RNF150: variants seen among roughly 807,000 people sequenced by gnomAD.
RNF150 encodes the protein ring finger protein 150.
Under a neutral mutation model 39.3 loss-of-function variants are expected in RNF150, and 24 were observed. The ratio of observed to expected loss-of-function variants is 0.61; its 90% CI spans 0.44 to 0.86. The LOEUF (loss-of-function observed/expected upper bound fraction) is 0.86, where lower values mean the gene tolerates loss of function less well. RNF150 is among the 40% of genes least tolerant of loss of function. The probability of loss-of-function intolerance (pLI) is 0.00; values close to 1 mark genes in which losing one functional copy is unlikely to be tolerated. For missense variants in RNF150, 502 were observed against 587.8 expected (o/e 0.85, Z 1.51); for synonymous variants, 255 against 227.3 (o/e 1.12, Z -1.10).
In RNF150 at chr4:140,868,227, G is replaced by T; in HGVS notation, c.*34C>A. 3 of 1,218,920 alleles carry T rather than the reference G, an allele frequency of 2.5e-6. No homozygotes were observed. Among genetic ancestry groups the T allele is most frequent in the Non-Finnish European group, 3.7e-6 (3 of 819,986 alleles). The allele number at this position is 1,218,920 out of a possible 1,614,324, so 75.5% of individuals were successfully genotyped here. A position where few individuals can be genotyped will look rare whatever the true frequency, so the allele number is the denominator to read the frequency against. On this transcript the variant is annotated 3_prime_UTR_variant, in exon 7 of 7. Coordinates refer to ENST00000515673, the MANE Select transcript of RNF150 (RefSeq NM_020724.2). ...GCACTCTTCCCTTCCTTTCCCTTGG[G>T]TCCTACTATCTCTTTGCTTCTGGAT...
At chr4:140,961,627 A>G (rs1045472858) in intron 2 of RNF150, among the ~76,000 whole-genome samples, 6 of 152,258 alleles carry the variant, frequency 3.9e-5, no homozygotes, top group African/African-American at 1.4e-4. Context: ...ATTAAAGCAG[A>G]AATATTTTTC....
At chr4:140,995,876 G>C (rs766332998) in intron 1 of RNF150, among the ~76,000 whole-genome samples, 1 of 152,000 alleles carries the variant, frequency 6.6e-6, no homozygotes, top group Non-Finnish European at 1.5e-5. Flanking sequence ...CCATTTGTTT[G>C]TTGATGAACA....
At chr4:141,104,812 G>T (rs1739142993) in intron 1 of RNF150, among the ~76,000 whole-genome samples, 1 of 152,188 alleles carries the variant, frequency 6.6e-6, no homozygotes, top group Non-Finnish European at 1.5e-5. Flanking sequence ...TGTGAGTTTG[G>T]AAAGGATGTA....
At chr4:141,155,084 G>GTTTTA (rs147232840) in intron 1 of RNF150, among the ~76,000 whole-genome samples, 1 of 151,834 alleles carries the variant, frequency 6.6e-6, no homozygotes, top group Admixed American at 6.6e-5. Context: ...AGAGCTTTAT[G>GTTTTA]TTTTATTTTA....
At chr4:141,089,674 C>G (rs1448745339) in intron 1 of RNF150, among the ~76,000 whole-genome samples, 1 of 152,178 alleles carries the variant, frequency 6.6e-6, no homozygotes, top group Admixed American at 6.5e-5. Flanking sequence ...TGTGAAGGTA[C>G]AGAAGACCAC....
chr4:140,973,728 T>C (rs1473801355), intron 1 of RNF150, among the ~76,000 whole-genome samples: 1 of 151,586 alleles, frequency 6.6e-6, no homozygotes, highest in East Asian at 1.9e-4. Context: ...AATACAAAAA[T>C]TAGACGGGGA....
At chr4:141,209,644 C>T (rs921094309) in intron 1 of RNF150, among the ~76,000 whole-genome samples, 4 of 152,050 alleles carry the variant, frequency 2.6e-5, no homozygotes, top group Admixed American at 2.6e-4. Context: ...GATTGGGTTG[C>T]TTGTCTTTTT....
chr4:140,928,938 T>G (rs1025213149), intron 4 of RNF150, among the ~76,000 whole-genome samples: 1 of 152,204 alleles, frequency 6.6e-6, no homozygotes, highest in African/African-American at 2.4e-5. Context: ...AGTGGAGGAT[T>G]GCTCTCTGTG....
At chr4:140,979,851 T>C (rs2111454008) in intron 1 of RNF150, among the ~76,000 whole-genome samples, 1 of 152,196 alleles carries the variant, frequency 6.6e-6, no homozygotes, top group South Asian at 2.1e-4. Flanking sequence ...GCAAAATCAA[T>C]CTTCAAAGTA....
At chr4:141,188,995 G>A (rs1728060996) in intron 1 of RNF150, among the ~76,000 whole-genome samples, 1 of 152,212 alleles carries the variant, frequency 6.6e-6, no homozygotes, top group South Asian at 2.1e-4. Flanking sequence ...TTTTGTGCTG[G>A]TTCTTCCTCA....
intron 1 of RNF150, among the ~76,000 whole-genome samples, chr4:141,097,676 T>C (rs1172401819): frequency 6.6e-6 from 1 of 152,168 alleles, no homozygotes; most frequent in Non-Finnish European, 1.5e-5. Flanking sequence ...CTTATGTCTT[T>C]GATTAATAAT....
At chr4:141,157,924 C>T (rs1442775114) in intron 1 of RNF150, among the ~76,000 whole-genome samples, 1 of 152,190 alleles carries the variant, frequency 6.6e-6, no homozygotes, top group Non-Finnish European at 1.5e-5. Flanking sequence ...TCTTTTCACC[C>T]AATATTCTTT....
chr4:141,113,610 C>T (rs1206992131), intron 1 of RNF150, among the ~76,000 whole-genome samples: 6 of 152,130 alleles, frequency 3.9e-5, no homozygotes, highest in South Asian at 4.2e-4. Flanking sequence ...GACAGATCAA[C>T]GAGACAGAAA....
chr4:141,116,911 TG>T (rs1353646586), intron 1 of RNF150, among the ~76,000 whole-genome samples: 1 of 151,936 alleles, frequency 6.6e-6, no homozygotes, highest in African/African-American at 2.4e-5. Flanking sequence ...AAACATCGCA[TG>T]TTCTTACTCA....
intron 1 of RNF150, among the ~76,000 whole-genome samples, chr4:141,036,782 A>G (rs974302012): frequency 2.0e-5 from 3 of 152,206 alleles, no homozygotes; most frequent in Admixed American, 2.0e-4. Flanking sequence ...TATCTGAAAT[A>G]TACTGATAAT....
chr4:140,956,806 A>G (rs1732773603), intron 2 of RNF150, among the ~76,000 whole-genome samples: 1 of 152,192 alleles, frequency 6.6e-6, no homozygotes, highest in Admixed American at 6.5e-5. Flanking sequence ...CAATGGGGAA[A>G]GGATTCCCTA....
chr4:140,962,153 T>C (rs894897847), intron 2 of RNF150, among the ~76,000 whole-genome samples: 10 of 150,824 alleles, frequency 6.6e-5, no homozygotes, highest in Non-Finnish European at 1.5e-4. Flanking sequence ...AAGAAACACA[T>C]ATAGTTTACA....
At chr4:140,957,262 A>G (rs1732796726) in intron 2 of RNF150, among the ~76,000 whole-genome samples, 1 of 152,192 alleles carries the variant, frequency 6.6e-6, no homozygotes, top group Non-Finnish European at 1.5e-5. Flanking sequence ...ACACTTCTCA[A>G]AAGAGGACAT....
chr4:140,959,512 T>G (rs6814533), intron 2 of RNF150, among the ~76,000 whole-genome samples: 29,078 of 151,996 alleles, frequency 0.19, 2,903 homozygotes, highest in Admixed American at 0.24. Flanking sequence ...CTTGAAACAA[T>G]TAGTCACTGG....
Sources: allele counts gnomAD v4.1 joint callset (sites outside exome capture counted in the v4.1 genomes callset), GRCh38; gene constraint gnomAD v4.1.1; transcripts MANE v1.5; gene names NCBI Gene and HGNC (gene_info 2026-07-23, HGNC 2026-07-21).